PIGL: variants seen among roughly 807,000 people sequenced by gnomAD.
PIGL encodes N-acetylglucosaminyl-phosphatidylinositol de-N-acetylase.
A neutral mutation model predicts 31.1 loss-of-function variants in PIGL; 22 were observed. That is an observed-to-expected ratio of 0.71 (90% confidence interval 0.51 to 1.01). The LOEUF is 1.01. PIGL is among the 50% of genes least tolerant of loss of function. The probability of loss-of-function intolerance (pLI) is 0.00; values close to 1 mark genes in which losing one functional copy is unlikely to be tolerated. For synonymous variants in PIGL, 131 were observed against 117.4 expected, an observed-to-expected ratio of 1.12 and a Z score of -0.75; for missense variants, 302 against 315.9, an observed-to-expected ratio of 0.96 and a Z score of 0.33.
intron 2 of PIGL, among the ~76,000 whole-genome samples, chr17:16,259,459 C>T (rs899658821): frequency 9.2e-5 from 14 of 151,616 alleles, no homozygotes; most frequent in African/African-American, 3.2e-4. Flanking sequence ...TCATTTGAAC[C>T]TAGGGAGTTT....
At chr17:16,263,028 G>A (rs2092825257) in intron 2 of PIGL, among the ~76,000 whole-genome samples, 1 of 148,556 alleles carries the variant, frequency 6.7e-6, no homozygotes, top group Non-Finnish European at 1.5e-5. Context: ...TAGAAACAGA[G>A]TATATAAGTG....
intron 2 of PIGL, among the ~76,000 whole-genome samples, chr17:16,258,284 A>G (rs1303008530): frequency 1.4e-5 from 2 of 147,030 alleles, no homozygotes; most frequent in East Asian, 4.1e-4. Flanking sequence ...GGTTCAAGCA[A>G]TTCTTCTGCC....
intron 2 of PIGL, among the ~76,000 whole-genome samples, chr17:16,274,013 G>A (rs1468461956): frequency 1.3e-5 from 2 of 152,166 alleles, no homozygotes; most frequent in Non-Finnish European, 2.9e-5. Context: ...GGCCTCCATC[G>A]ATGGCCGTGA....
At chr17:16,258,566 C>T (rs1367298164) in intron 2 of PIGL, among the ~76,000 whole-genome samples, 1 of 151,556 alleles carries the variant, frequency 6.6e-6, no homozygotes, top group East Asian at 1.9e-4. Context: ...TGCAATGGTG[C>T]AATCTCAGCT....
At chr17:16,317,293 T>C in intron 5 of PIGL, 1 of 1,002,654 alleles carries the variant, frequency 1.0e-6, no homozygotes, top group Non-Finnish European at 1.2e-6. Flanking sequence ...CTTTGGAACA[T>C]GACTATAGTT....
At chr17:16,227,407 A>G (rs1331774107) in intron 1 of PIGL, among the ~76,000 whole-genome samples, 1 of 152,066 alleles carries the variant, frequency 6.6e-6, no homozygotes, top group African/African-American at 2.4e-5. Context: ...CACCTCACCC[A>G]GTGAAAGGTA....
chr17:16,300,085 C>A, intron 3 of PIGL, 107 bp downstream of exon 3: 1 of 792,910 alleles, frequency 1.3e-6, no homozygotes, highest in Non-Finnish European at 2.2e-6. Flanking sequence ...CAGTCCTTCT[C>A]CAGGGCCACT....
intron 2 of PIGL, among the ~76,000 whole-genome samples, chr17:16,240,398 G>A (rs2092717736): frequency 6.6e-6 from 1 of 152,050 alleles, no homozygotes; most frequent in Non-Finnish European, 1.5e-5. Flanking sequence ...GGCTGGTTTG[G>A]AACTCCTAGG....
intron 2 of PIGL, among the ~76,000 whole-genome samples, chr17:16,248,177 C>T (rs1397430707): frequency 2.6e-5 from 4 of 152,162 alleles, no homozygotes; most frequent in African/African-American, 7.2e-5. Context: ...TGAGCCACTG[C>T]GCCCAGCCTC....
intron 2 of PIGL, among the ~76,000 whole-genome samples, chr17:16,245,765 T>C (rs1265447375): frequency 2.0e-5 from 3 of 150,506 alleles, no homozygotes; most frequent in East Asian, 2.0e-4. Flanking sequence ...CATATATATA[T>C]ACATACACAC....
chr17:16,240,625 C>T (rs1166540754), intron 2 of PIGL, among the ~76,000 whole-genome samples: 2 of 151,848 alleles, frequency 1.3e-5, no homozygotes, highest in Non-Finnish European at 2.9e-5. Flanking sequence ...CTCAGCCTCC[C>T]GAGTAACTGG....
At position 16,317,572 on chromosome 17, in the gene PIGL, C is replaced by T. The variant is rs529039223; in HGVS notation, c.527-203C>T. 35 of 1,365,692 alleles carry T rather than the reference C, an allele frequency of 2.6e-5. No homozygotes were observed. In the East Asian group the frequency reaches 7.5e-4, roughly 29 times the overall value. The allele number at this position is 1,365,692 out of a possible 1,614,324, so 84.6% of individuals were successfully genotyped here. A position where few individuals can be genotyped will look rare whatever the true frequency, so the allele number is the denominator to read the frequency against. Reference sequence around the variant, plus strand: ...ACACCGCAGGGTAGAGGGTAGCCAGCCAGGTCTTCTATGGCCCTTTTACTC... The same window carrying T: ...ACACCGCAGGGTAGAGGGTAGCCAGTCAGGTCTTCTATGGCCCTTTTACTC... On this transcript the variant is annotated intron_variant, in intron 5 of 6. Transcript: ENST00000225609.
chr17:16,315,952 T>C (rs887466921), intron 4 of PIGL, among the ~76,000 whole-genome samples: 5 of 152,022 alleles, frequency 3.3e-5, no homozygotes, highest in African/African-American at 1.2e-4. Context: ...TGCCTCGGCC[T>C]CCCAAAGTGC....
chr17:16,224,820 C>G (rs1009749681), intron 1 of PIGL, among the ~76,000 whole-genome samples: 1 of 152,022 alleles, frequency 6.6e-6, no homozygotes, highest in African/African-American at 2.4e-5. Context: ...CCATGCCCGG[C>G]TAATTTTTTG....
chr17:16,299,846 C>T, intron 2 of PIGL, 42 bp from the exon 3 acceptor site: 1 of 1,415,548 alleles, frequency 7.1e-7, no homozygotes, highest in African/African-American at 1.4e-5. Flanking sequence ...GAAGGTTGTG[C>T]CTGATTAGAA....
intron 6 of PIGL, chr17:16,324,269 C>T (rs1240206615): frequency 1.3e-5 from 2 of 151,822 alleles, no homozygotes; most frequent in Non-Finnish European, 1.5e-5. Context: ...CTAGCCAATT[C>T]GTCTTATTAT....
chr17:16,290,730 CA>C (rs2092956933), intron 2 of PIGL, among the ~76,000 whole-genome samples: 1 of 151,906 alleles, frequency 6.6e-6, no homozygotes, highest in Non-Finnish European at 1.5e-5. Context: ...ACCCAGGTTG[CA>C]GTACAGTGGT....
intron 2 of PIGL, among the ~76,000 whole-genome samples, chr17:16,237,243 G>A (rs757249853): frequency 2.6e-5 from 4 of 151,322 alleles, no homozygotes; most frequent in Non-Finnish European, 4.4e-5. Context: ...GAGTAGCTGG[G>A]ATTACAGGCA....
chr17:16,301,594 CAG>C (rs1460568873), intron 3 of PIGL, among the ~76,000 whole-genome samples: 3 of 131,510 alleles, frequency 2.3e-5, no homozygotes, highest in Non-Finnish European at 4.7e-5. Context: ...TTTTTTGAGA[CAG>C]AGTCTCGCTC....
Sources: gnomAD v4.1 joint callset for allele counts (sites outside exome capture counted in the v4.1 genomes callset) on GRCh38, gnomAD v4.1.1 for gene constraint, MANE v1.5 for transcripts, NCBI Gene and HGNC (gene_info 2026-07-23, HGNC 2026-07-21) for gene names.